The following ZNF112 variants were observed in gnomAD, a reference collection of about 807,000 sequenced individuals.
ZNF112 encodes the protein zinc finger protein 112 (Y14).
Under a neutral mutation model 77.7 loss-of-function variants are expected in ZNF112, and 37 were observed. The observed-to-expected ratio is 0.48, with a 90% confidence interval of 0.37 to 0.63. The LOEUF (loss-of-function observed/expected upper bound fraction) is 0.63, where lower values mean the gene tolerates loss of function less well. ZNF112 is among the 20% of genes least tolerant of loss of function. ZNF112 has a pLI of 0.00. For missense variants in ZNF112, 950 were observed against 1,077.4 expected (o/e 0.88, Z 1.66); for synonymous variants, 333 against 363.6 (o/e 0.92, Z 0.96).
chr19:44,342,793 C>T lies in ZNF112; in HGVS notation c.-3-2251G>A, dbSNP rs531693321. 1.5e-3 allele frequency among the ~76,000 whole-genome samples: 212 copies of T among 142,060 alleles called. 1 individual carries two copies. Among genetic ancestry groups the T allele is most frequent in the African/African-American group, 5.6e-3 (210 of 37,604 alleles). The allele number at this position is 142,060 out of a possible 152,430, so 93.2% of individuals were successfully genotyped here. ...TCATGCCACTGCATTCCAGCCTGGG[C>T]AACAGAGCGAGACTCCATCTCAAAA... is the stretch of plus-strand genomic sequence containing the variant. On this transcript the variant is annotated intron_variant, in intron 1 of 3. Transcript: ENST00000354340.
At position 44,363,611 on chromosome 19, in the gene ZNF112, A is replaced by G. The variant is rs180682814; in HGVS notation, c.17+3470T>C. Among the ~76,000 whole-genome samples the G allele has an allele frequency of 1.3e-3, 199 of 152,326 alleles. 4 individuals are homozygous for G. In the East Asian group the frequency reaches 0.037, roughly 28 times the overall value. ...TTCAGATCCATCCATGTTGATGCAC[A>G]TATTAGTCATTTGATCCTGAAGTGA... On this transcript the variant is annotated intron_variant, in intron 1 of 4. Transcript: ENST00000588057.
Position 44,354,725 on chromosome 19 carries a change from G to A in ZNF112, c.-4+1901C>T, listed in dbSNP as rs112465586. 6.7e-4 allele frequency among the ~76,000 whole-genome samples: 102 copies of A among 152,248 alleles called. 1 individual carries two copies. Among genetic ancestry groups the A allele is most frequent in the African/African-American group, 2.3e-3 (95 of 41,542 alleles). On this transcript the variant is annotated intron_variant, in intron 1 of 3. Transcript: ENST00000354340. The stretch of plus-strand genomic sequence containing the variant: ...GTGCTGGGCACATGGAGAAAAGTAT[G>A]ACATGGTCCCAGAAATAGAAGAACT...
chr19:44,343,514 T>C (rs1177293746), intron 1 of ZNF112, among the ~76,000 whole-genome samples: 1 of 152,186 alleles, frequency 6.6e-6, no homozygotes, highest in Non-Finnish European at 1.5e-5. Flanking sequence ...CTGTACCCAG[T>C]AGCCTCACAT....
At chr19:44,335,949 G>C (rs1312123825) in intron 3 of ZNF112, among the ~76,000 whole-genome samples, 4 of 152,198 alleles carry the variant, frequency 2.6e-5, no homozygotes, top group African/African-American at 4.8e-5. Context: ...TCTACTTTAA[G>C]ACTGTGGCTA....
At chr19:44,332,358 A>G (rs2123149055) in intron 3 of ZNF112, among the ~76,000 whole-genome samples, 1 of 152,360 alleles carries the variant, frequency 6.6e-6, no homozygotes, top group East Asian at 1.9e-4. Flanking sequence ...TTCAAGGTAT[A>G]TCAGTAGGTA....
rs763269743 is a variant in ZNF112 at position 44,328,904 on chromosome 19, A to G, written c.1253T>C (p.Phe418Ser). 6.2e-7 allele frequency: 1 copy of G among 1,614,028 alleles called. No individual in the cohort carries two copies. Among genetic ancestry groups the G allele is most frequent in the Non-Finnish European group, 8.5e-7 (1 of 1,179,984 alleles). ...AATGTCAAGATTTGAACTACAAATG[A>G]AACTCTTTCCATACTCTATATCTGT... ...LYTDIEYGKS[F>S]ICSSNLDIQH... is the part of the protein sequence containing the mutation. Residue 418 changes from phenylalanine (F) to serine (S), a missense_variant, in exon 4 of 4, where the codon TTC becomes TCC. Physicochemically the swap from Phe to Ser is radical, Grantham distance 155. Coordinates refer to ENST00000354340, the MANE Select transcript of ZNF112 (RefSeq NM_013380.4).
In ZNF112 at chr19:44,354,967, A is replaced by C. The variant is rs148002536; in HGVS notation, c.-4+1659T>G. On this transcript the variant is annotated intron_variant, in intron 1 of 3. Transcript: ENST00000354340. The stretch of plus-strand genomic sequence containing the variant: ...TGGCATTTCCCTTTCAAAGTCTTGG[A>C]TATAAGCAATTTATGATCATCAACG... Among the ~76,000 whole-genome samples, 395 of 152,286 alleles carry C rather than the reference A, an allele frequency of 2.6e-3. 3 individuals carry two copies. The highest frequency in any genetic ancestry group is 0.01 in the Middle Eastern group (3 of 294).
Position 44,328,014 on chromosome 19 carries a change from A to C in ZNF112, c.2143T>G (p.Tyr715Asp). ...CCCTTTCCACATACCTCACATATAT[A>C]TGGTCTTTCTCCAGAATGGACACTC... ...HQSVHSGERP[Y>D]ICEVCGKGFS... The change falls in exon 4 of 4, where the codon TAT (tyrosine) becomes GAT (aspartate). Residue 715 changes from tyrosine to aspartate, a missense_variant. Physicochemically the swap from Tyr to Asp is radical, Grantham distance 160. Around this residue, in one of 3 missense-constraint regions of ZNF112, gnomAD observed 373 missense variants for 482.8 expected, o/e 0.77. Transcript: ENST00000354340. The C allele has an allele frequency of 1.2e-6, 2 of 1,613,764 alleles. No homozygotes were observed. The highest frequency in any genetic ancestry group is 1.7e-6 in the Non-Finnish European group (2 of 1,179,920).
chr19:44,327,466 A>T lies in ZNF112; in HGVS notation c.2691T>A (p.Asn897Lys). The T allele has an allele frequency of 1.2e-6, 2 of 1,610,190 alleles. No individual in the cohort carries two copies. The highest frequency in any genetic ancestry group is 1.7e-6 in the Non-Finnish European group (2 of 1,178,344). The change falls in exon 4 of 4, where the codon AAT (asparagine) becomes AAA (lysine). Residue 897 changes from asparagine to lysine, a missense_variant. By Grantham distance (94) the Asn-to-Lys change is moderately conservative. Coordinates refer to ENST00000354340, the MANE Select transcript of ZNF112 (RefSeq NM_013380.4). ...DYGKDYPSSENLHRNEDSVLF is the reference protein window; with the variant it reads ...DYGKDYPSSEKLHRNEDSVLF The stretch of plus-strand genomic sequence containing the variant: ...AAACAGAATCTTCATTTCTGTGTAG[A>T]TTCTCTGATGAAGGGTAGTCCTTAC...
At chr19:44,346,926 A>G (rs936838257) in intron 1 of ZNF112, among the ~76,000 whole-genome samples, 1 of 152,212 alleles carries the variant, frequency 6.6e-6, no homozygotes, top group African/African-American at 2.4e-5. Context: ...GTGCTCTACA[A>G]ATGTCAACGA....
rs148985151 is a variant in ZNF112, at chr19:44,364,821, C to T, written c.17+2260G>A. On this transcript the variant is annotated intron_variant, in intron 1 of 4. Transcript: ENST00000588057. ...TTTACATAACAGACTTGAACATCCG[C>T]GGATTTTGATTTCCATAAGGGTCCC... 7.0e-3 allele frequency among the ~76,000 whole-genome samples: 1,073 copies of T among 152,238 alleles called. 11 individuals carry two copies. Among genetic ancestry groups the T allele is most frequent in the African/African-American group, 0.025 (1,034 of 41,526 alleles).
In ZNF112 at chr19:44,356,650, G is replaced by C. The variant is rs976334799; in HGVS notation, c.-28C>G. The C allele has an allele frequency of 1.3e-5, 2 of 152,316 alleles. No homozygotes were observed. Among genetic ancestry groups the C allele is most frequent in the African/African-American group, 2.4e-5 (1 of 41,428 alleles). 9.4% of individuals were successfully genotyped at this position (152,316 alleles called of 1,614,324 possible). On this transcript the variant is annotated 5_prime_UTR_variant, in exon 1 of 4. Transcript: ENST00000354340. ...CCTTTCTGGGAGGAACGAAGGCCGC[G>C]GCCTAGCGTACCTGGGGCGGAAGTG...
Position 44,362,180 on chromosome 19 carries a change from C to T in ZNF112, c.17+4901G>A, listed in dbSNP as rs555509883. On this transcript the variant is annotated intron_variant, in intron 1 of 4. Transcript: ENST00000588057. ...ATTAAGAAAGAATAAACAATTTATC[C>T]ACATGGGCAAAATCTCATATTGGAA... Among the ~76,000 whole-genome samples, 4 of 151,748 alleles carry T rather than the reference C, an allele frequency of 2.6e-5. No individual in the cohort carries two copies. The South Asian group carries it at 6.3e-4, about 24-fold the overall frequency.
chr19:44,337,682 A>C (rs1183922366), intron 2 of ZNF112, among the ~76,000 whole-genome samples: 1 of 151,132 alleles, frequency 6.6e-6, no homozygotes, highest in Non-Finnish European at 1.5e-5. Context: ...TTGCCAAAAA[A>C]CGTATAGTGT....
intron 3 of ZNF112, 90 bp downstream of exon 3, chr19:44,336,533 C>G: frequency 8.8e-7 from 1 of 1,136,540 alleles, no homozygotes; most frequent in Non-Finnish European, 1.3e-6. Flanking sequence ...TGGGGAGCCA[C>G]AGGAAAGCTT....
At chr19:44,342,863 A>C (rs1970517567) in intron 1 of ZNF112, among the ~76,000 whole-genome samples, 1 of 151,928 alleles carries the variant, frequency 6.6e-6, no homozygotes, top group Non-Finnish European at 1.5e-5. Context: ...GGATAACAAC[A>C]GTTTACGTCA....
chr19:44,355,633 C>A (rs1019003297), intron 1 of ZNF112, among the ~76,000 whole-genome samples: 1 of 152,192 alleles, frequency 6.6e-6, no homozygotes, highest in Non-Finnish European at 1.5e-5. Context: ...TGCTCTATGT[C>A]TGTTTGCTTA....
chr19:44,365,098 C>G (rs190169971), intron 1 of ZNF112, among the ~76,000 whole-genome samples: 4 of 152,188 alleles, frequency 2.6e-5, no homozygotes, highest in Admixed American at 2.6e-4. Flanking sequence ...ATGAATTAAT[C>G]TCAATATTGG....
intron 2 of ZNF112, among the ~76,000 whole-genome samples, chr19:44,337,414 A>ATAATATATATTATATAT (rs1455625918): frequency 3.6e-5 from 1 of 27,550 alleles, no homozygotes; most frequent in African/African-American, 1.2e-4. Flanking sequence ...TTTTATATAT[A>ATAATATATATTATATAT]ATAATATATA....
Sources: allele counts gnomAD v4.1 joint callset (sites outside exome capture counted in the v4.1 genomes callset), GRCh38; gene constraint gnomAD v4.1.1; regional missense constraint gnomAD v4.1.1; transcripts MANE v1.5; gene names NCBI Gene and HGNC (gene_info 2026-07-23, HGNC 2026-07-21).